Variants in KCNIP4 observed in about 807,000 individuals in gnomAD.
KCNIP4 encodes Kv channel-interacting protein 4.
A neutral mutation model predicts 34.0 loss-of-function variants in KCNIP4; 12 were observed. That is an observed-to-expected ratio of 0.35 (90% CI 0.23 to 0.57). The LOEUF (loss-of-function observed/expected upper bound fraction) is 0.57. KCNIP4 is among the 20% of genes least tolerant of loss of function. The probability of loss-of-function intolerance (pLI) is 0.83; values close to 1 mark genes in which losing one functional copy is unlikely to be tolerated. For missense variants in KCNIP4, 238 were observed against 311.7 expected, an observed-to-expected ratio of 0.76 and a Z score of 1.78; for synonymous variants, 124 against 102.2, an observed-to-expected ratio of 1.21 and a Z score of -1.29.
chr4:21,200,282 A>C (rs1489961310), intron 1 of KCNIP4, among the ~76,000 whole-genome samples: 1 of 141,278 alleles, frequency 7.1e-6, no homozygotes, highest in African/African-American at 2.7e-5. Flanking sequence ...AGAAAATGTG[A>C]TGTGTGTGTG....
intron 1 of KCNIP4, among the ~76,000 whole-genome samples, chr4:21,138,028 C>A (rs980227590): frequency 9.9e-5 from 15 of 151,924 alleles, no homozygotes; most frequent in Admixed American, 7.9e-4. Context: ...CATGCCATCA[C>A]ACTCGGCTAA....
intron 1 of KCNIP4, among the ~76,000 whole-genome samples, chr4:21,943,580 A>T (rs1026237931): frequency 1.3e-5 from 2 of 152,036 alleles, no homozygotes; most frequent in Non-Finnish European, 2.9e-5. Flanking sequence ...ATGTTTGGAG[A>T]CCAGGGAACA....
chr4:21,000,744 T>C (rs1738058136), intron 1 of KCNIP4, among the ~76,000 whole-genome samples: 1 of 152,118 alleles, frequency 6.6e-6, no homozygotes, highest in Non-Finnish European at 1.5e-5. Flanking sequence ...CCTTTTATGA[T>C]AACTCTTTGA....
chr4:21,859,184 T>A (rs1199470143), intron 1 of KCNIP4, among the ~76,000 whole-genome samples: 1 of 152,184 alleles, frequency 6.6e-6, no homozygotes, highest in Non-Finnish European at 1.5e-5. Flanking sequence ...GTTGCTGAAC[T>A]AGTCATCCCT....
chr4:21,325,702 A>T (rs2109311569), intron 1 of KCNIP4, among the ~76,000 whole-genome samples: 1 of 150,798 alleles, frequency 6.6e-6, no homozygotes, highest in African/African-American at 2.4e-5. Flanking sequence ...TTTATTTGAA[A>T]TTTTTCTACT....
chr4:20,980,438 CA>C (rs1249114357), intron 1 of KCNIP4, among the ~76,000 whole-genome samples: 3 of 152,152 alleles, frequency 2.0e-5, no homozygotes, highest in Non-Finnish European at 4.4e-5. Context: ...ATCTTCTTTA[CA>C]AATTGCTTTT....
intron 1 of KCNIP4, among the ~76,000 whole-genome samples, chr4:21,446,290 T>C (rs1727980573): frequency 6.6e-6 from 1 of 152,044 alleles, no homozygotes; most frequent in Non-Finnish European, 1.5e-5. Flanking sequence ...ACCCAAAGGA[T>C]TATAAATCAT....
chr4:20,771,109 C>T (rs1755838104), intron 3 of KCNIP4, among the ~76,000 whole-genome samples: 2 of 151,728 alleles, frequency 1.3e-5, no homozygotes, highest in South Asian at 4.2e-4. Flanking sequence ...CTTAAGTATC[C>T]CCAGATTTTG....
intron 1 of KCNIP4, among the ~76,000 whole-genome samples, chr4:21,253,603 T>G (rs760970600): frequency 5.3e-5 from 8 of 152,218 alleles, no homozygotes; most frequent in Non-Finnish European, 1.2e-4. Context: ...GTGTTAAAAT[T>G]ACATAGCCAT....
At chr4:21,042,327 T>C (rs1030789507) in intron 1 of KCNIP4, among the ~76,000 whole-genome samples, 1 of 152,212 alleles carries the variant, frequency 6.6e-6, no homozygotes, top group East Asian at 1.9e-4. Flanking sequence ...AAATTTGGTC[T>C]ATATACACAA....
At chr4:21,456,925 G>A (rs1047037796) in intron 1 of KCNIP4, among the ~76,000 whole-genome samples, 19 of 152,090 alleles carry the variant, frequency 1.2e-4, no homozygotes, top group South Asian at 2.1e-4. Flanking sequence ...TTTCACCGCC[G>A]GGTCACCCTG....
At chr4:21,726,208 G>T (rs1240064848) in intron 1 of KCNIP4, among the ~76,000 whole-genome samples, 2 of 148,356 alleles carry the variant, frequency 1.3e-5, no homozygotes, top group Non-Finnish European at 3.0e-5. Context: ...TCTCCTTTCA[G>T]CCTCCTCATG....
chr4:20,861,155 C>A (rs1471505206), intron 2 of KCNIP4, among the ~76,000 whole-genome samples: 1 of 152,268 alleles, frequency 6.6e-6, no homozygotes, highest in Middle Eastern at 3.4e-3. Context: ...TGCCCCAAAC[C>A]TGTCTTTCCC....
At chr4:21,274,773 C>G (rs185512834) in intron 1 of KCNIP4, among the ~76,000 whole-genome samples, 2 of 152,152 alleles carry the variant, frequency 1.3e-5, no homozygotes, top group Admixed American at 1.3e-4. Flanking sequence ...TTATTAATAC[C>G]ACCAAGTTTA....
intron 1 of KCNIP4, among the ~76,000 whole-genome samples, chr4:21,749,627 A>C (rs1717014045): frequency 6.6e-6 from 1 of 152,108 alleles, no homozygotes; most frequent in Non-Finnish European, 1.5e-5. Flanking sequence ...TATTCAGCTA[A>C]TGAGACCCGT....
intron 1 of KCNIP4, among the ~76,000 whole-genome samples, chr4:21,596,576 G>A (rs1742662453): frequency 6.6e-6 from 1 of 152,070 alleles, no homozygotes; most frequent in African/African-American, 2.4e-5. Context: ...CTTTCCTGGA[G>A]AGGAAAAAAT....
chr4:21,030,613 C>T (rs910985439), intron 1 of KCNIP4, among the ~76,000 whole-genome samples: 1 of 152,242 alleles, frequency 6.6e-6, no homozygotes, highest in Non-Finnish European at 1.5e-5. Context: ...AACCATACCA[C>T]ACTGATTGAC....
At chr4:21,253,565 C>T (rs1411208480) in intron 1 of KCNIP4, among the ~76,000 whole-genome samples, 1 of 152,160 alleles carries the variant, frequency 6.6e-6, no homozygotes, top group East Asian at 1.9e-4. Flanking sequence ...TTCCATCAGT[C>T]TTGGAAAAGG....
chr4:21,355,400 C>T (rs372714730), intron 1 of KCNIP4, among the ~76,000 whole-genome samples: 71 of 151,840 alleles, frequency 4.7e-4, no homozygotes, highest in Non-Finnish European at 6.6e-4. Context: ...ATTGATAAAA[C>T]GCTAGCAAGA....
Sources: gnomAD v4.1 joint callset for allele counts (sites outside exome capture counted in the v4.1 genomes callset) on GRCh38, gnomAD v4.1.1 for gene constraint, MANE v1.5 for transcripts, NCBI Gene and HGNC (gene_info 2026-07-23, HGNC 2026-07-21) for gene names.